The following NCAM2 variants were observed in gnomAD, a reference collection of about 807,000 sequenced individuals.
The protein encoded by NCAM2 is N-CAM-2.
NCAM2 carries 30 observed loss-of-function variants against 98.1 expected under a neutral mutation model. That is an observed-to-expected ratio of 0.31 (90% confidence interval 0.23 to 0.41). NCAM2 has a LOEUF of 0.41. Ranked by LOEUF, NCAM2 falls within the 10% of genes least tolerant of loss-of-function variation. The probability of loss-of-function intolerance (pLI) is 1.00; values close to 1 mark genes in which losing one functional copy is unlikely to be tolerated. For synonymous variants in NCAM2, 368 were observed against 342.4 expected, an observed-to-expected ratio of 1.07 and a Z score of -0.83; for missense variants, 867 against 1,005.8, an observed-to-expected ratio of 0.86 and a Z score of 1.87.
intron 1 of NCAM2, among the ~76,000 whole-genome samples, chr21:21,210,088 A>G (rs1193117047): frequency 6.6e-6 from 1 of 152,240 alleles, no homozygotes; most frequent in African/African-American, 2.4e-5. Context: ...TTTTCATGCC[A>G]TGAAATAATG....
intron 1 of NCAM2, among the ~76,000 whole-genome samples, chr21:21,217,287 T>C (rs2069942433): frequency 6.6e-6 from 1 of 152,114 alleles, no homozygotes; most frequent in Non-Finnish European, 1.5e-5. Context: ...CGTATAGTGG[T>C]CTAAGTCTGT....
At chr21:21,089,739 A>G (rs1011060492) in intron 1 of NCAM2, among the ~76,000 whole-genome samples, 3 of 152,206 alleles carry the variant, frequency 2.0e-5, no homozygotes, top group Middle Eastern at 3.2e-3. Context: ...TACCAAGTGC[A>G]TTTAAGGTGT....
At chr21:21,461,956 A>T (rs1287193121) in intron 12 of NCAM2, among the ~76,000 whole-genome samples, 1 of 152,006 alleles carries the variant, frequency 6.6e-6, no homozygotes, top group East Asian at 1.9e-4. Context: ...GAAACAGTAA[A>T]AAATTATTTT....
At chr21:21,367,109 C>T (rs2075805976) in intron 8 of NCAM2, among the ~76,000 whole-genome samples, 1 of 151,966 alleles carries the variant, frequency 6.6e-6, no homozygotes. Context: ...GGAAGAGCTT[C>T]ATAATATAAT....
At chr21:21,468,553 A>G in intron 13 of NCAM2, 109 bp from the exon 14 acceptor site, 1 of 1,047,042 alleles carries the variant, frequency 9.6e-7, no homozygotes, top group Non-Finnish European at 1.3e-6. Flanking sequence ...TGGTAAATCC[A>G]GGATAACACC....
At chr21:21,319,141 A>T (rs551919526) in intron 5 of NCAM2, among the ~76,000 whole-genome samples, 1 of 152,226 alleles carries the variant, frequency 6.6e-6, no homozygotes, top group African/African-American at 2.4e-5. Context: ...ACAAAAAAAA[A>T]TGCAAGCACA....
At chr21:21,437,881 T>A (rs1861868093) in intron 12 of NCAM2, among the ~76,000 whole-genome samples, 1 of 151,066 alleles carries the variant, frequency 6.6e-6, no homozygotes, top group Non-Finnish European at 1.5e-5. Context: ...AAGATATTGT[T>A]GAAAATTAGA....
intron 1 of NCAM2, among the ~76,000 whole-genome samples, chr21:21,267,174 T>A (rs2072314918): frequency 6.6e-6 from 1 of 152,192 alleles, no homozygotes; most frequent in South Asian, 2.1e-4. Flanking sequence ...TTTATTATCA[T>A]ACTAGTTAGA....
At chr21:21,181,024 CCT>C (rs1339439525) in intron 1 of NCAM2, among the ~76,000 whole-genome samples, 1 of 152,090 alleles carries the variant, frequency 6.6e-6, no homozygotes, top group African/African-American at 2.4e-5. Flanking sequence ...GAGTACTTTA[CCT>C]TCAATGTTGC....
chr21:21,474,118 A>G (rs1984840813), intron 14 of NCAM2, among the ~76,000 whole-genome samples: 1 of 152,008 alleles, frequency 6.6e-6, no homozygotes, highest in South Asian at 2.1e-4. Context: ...CACTCTACAG[A>G]TATGCATACT....
chr21:21,434,414 CTTTGA>C (rs1426407413), intron 12 of NCAM2, among the ~76,000 whole-genome samples: 1 of 152,110 alleles, frequency 6.6e-6, no homozygotes, highest in Non-Finnish European at 1.5e-5. Context: ...GGATTTCTCA[CTTTGA>C]TTTGAGGAAA....
intron 1 of NCAM2, among the ~76,000 whole-genome samples, chr21:21,207,534 G>T (rs559456086): frequency 1.1e-5 from 1 of 92,052 alleles, no homozygotes; most frequent in East Asian, 3.5e-4. Context: ...TAAGGTGTAA[G>T]TTGGGGCTTT....
At chr21:21,300,551 G>A (rs1228214448) in intron 5 of NCAM2, among the ~76,000 whole-genome samples, 3 of 145,912 alleles carry the variant, frequency 2.1e-5, no homozygotes, top group Non-Finnish European at 4.6e-5. Context: ...TCTTTACAAT[G>A]TACCTTTCAC....
At chr21:21,135,486 A>C (rs2826677) in intron 1 of NCAM2, among the ~76,000 whole-genome samples, 64,082 of 151,940 alleles carry the variant, frequency 0.42, 14,144 homozygotes, top group African/African-American at 0.56. Context: ...GATAGAACTG[A>C]AGTTACTTAA....
chr21:21,411,800 G>A (rs1003112650), intron 10 of NCAM2, among the ~76,000 whole-genome samples: 6 of 152,210 alleles, frequency 3.9e-5, no homozygotes, highest in East Asian at 1.9e-4. Flanking sequence ...AAAAAAATTC[G>A]TTTGATAGGA....
intron 5 of NCAM2, among the ~76,000 whole-genome samples, chr21:21,300,532 T>G (rs1171862166): frequency 3.3e-3 from 1 of 300 alleles, no homozygotes; most frequent in Non-Finnish European, 6.4e-3. Context: ...CCAACTCCAT[T>G]CCACAGCCTC....
chr21:21,101,087 A>G (rs938728910), intron 1 of NCAM2, among the ~76,000 whole-genome samples: 1 of 152,032 alleles, frequency 6.6e-6, no homozygotes, highest in African/African-American at 2.4e-5. Flanking sequence ...TACAAAGAAG[A>G]GAATAATATT....
intron 5 of NCAM2, among the ~76,000 whole-genome samples, chr21:21,299,007 A>T (rs1170879774): frequency 6.6e-6 from 1 of 151,536 alleles, no homozygotes. Flanking sequence ...GAATCCTATC[A>T]TTTGTGAAAC....
Position 21,542,823 on chromosome 21 carries a change from A to G in NCAM2, c.*4866A>G, listed in dbSNP as rs187567416. ...GAAAACAGTGTAACACAGAGGAGAA[A>G]GTTAACAGAGATAGAATCTATGATT... On this transcript the variant is annotated 3_prime_UTR_variant, in exon 18 of 18. Transcript: ENST00000400546. 3.3e-5 allele frequency: 5 copies of G among 152,018 alleles called. No homozygotes were observed. Among genetic ancestry groups the G allele is most frequent in the Admixed American group, 2.6e-4 (4 of 15,184 alleles). The allele number at this position is 152,018 out of a possible 1,614,324, so 9.4% of individuals were successfully genotyped here.
Sources: gnomAD v4.1 joint callset for allele counts (sites outside exome capture counted in the v4.1 genomes callset) on GRCh38, gnomAD v4.1.1 for gene constraint, MANE v1.5 for transcripts, NCBI Gene and HGNC (gene_info 2026-07-23, HGNC 2026-07-21) for gene names.